Variants in MUC6 observed in about 807,000 individuals in gnomAD.
MUC6 encodes mucin-6.
MUC6 carries 188 observed loss-of-function variants against 201.5 expected under a neutral mutation model. The observed-to-expected ratio is 0.93, with a 90% CI of 0.83 to 1.05. The LOEUF is 1.05. MUC6 is among the 50% of genes least tolerant of loss of function. The probability of loss-of-function intolerance (pLI) is 0.00; values close to 1 mark genes in which losing one functional copy is unlikely to be tolerated. For synonymous variants in MUC6, 1,228 were observed against 1,389.4 expected, an observed-to-expected ratio of 0.88 and a Z score of 2.58; for missense variants, 2,706 against 3,256.9, an observed-to-expected ratio of 0.83 and a Z score of 4.12.
At position 1,018,813 on chromosome 11, in the gene MUC6, C is replaced by T. The variant is rs748547443; in HGVS notation, c.4031-43G>A. The T allele has an allele frequency of 1.2e-5, 19 of 1,527,360 alleles. No homozygotes were observed. In the South Asian group the frequency reaches 2.4e-4, roughly 19 times the overall value. The allele number at this position is 1,527,360 out of a possible 1,614,324, so 94.6% of individuals were successfully genotyped here. A position where few individuals can be genotyped will look rare whatever the true frequency, so the allele number is the denominator to read the frequency against. The stretch of plus-strand genomic sequence containing the variant: ...GTTGTCATCGTTATTGTTTTTGTTT[C>T]TCTACCCTGACCTCCGCTGGCCCGT... On this transcript the variant is annotated intron_variant, in intron 30 of 32. Coordinates refer to ENST00000421673, the MANE Select transcript of MUC6 (RefSeq NM_005961.3).
intron 22 of MUC6, 26 bp from the exon 23 acceptor site, chr11:1,025,393 T>G (rs1314352586): frequency 1.9e-6 from 3 of 1,596,026 alleles, no homozygotes; most frequent in South Asian, 1.1e-5. Flanking sequence ...GGCATAGGAC[T>G]GCCTGTCTGT....
At position 1,018,242 on chromosome 11, in the gene MUC6, T is replaced by C. The variant is rs376927617; in HGVS notation, c.4559A>G (p.Lys1520Arg). ...SQAHSSFSTN[K>R]TPTSLHSHTS... ...GTGTGAATGTAGCGAGGTAGGTGTT[T>C]TGTTTGTGCTGAATGAGCTGTGGGC... Residue 1520 changes from lysine (K) to arginine (R), a missense_variant, in exon 31 of 33, where the codon AAA becomes AGA. By Grantham distance (26) the Lys-to-Arg change is conservative. Around this residue, in one of 10 missense-constraint regions of MUC6, gnomAD observed 128 missense variants for 206.5 expected, o/e 0.62. Transcript: ENST00000421673. The C allele has an allele frequency of 8.1e-6, 13 of 1,613,782 alleles. No individual in the cohort carries two copies. The South Asian group carries it at 8.8e-5, about 11-fold the overall frequency.
chr11:1,027,930 C>T lies in MUC6; in HGVS notation c.1848+35G>A, dbSNP rs777030169. On this transcript the variant is annotated intron_variant, in intron 15 of 32. Transcript: ENST00000421673. ...GACCTTGTCAGCCACCACAGCCTCCCCTGCAGCCCTCCCAAGACGCCCTCG... is the reference window on the plus strand; with the variant it reads ...GACCTTGTCAGCCACCACAGCCTCCTCTGCAGCCCTCCCAAGACGCCCTCG... The T allele has an allele frequency of 9.6e-6, 15 of 1,561,998 alleles. No individual in the cohort carries two copies. The South Asian group carries it at 1.5e-4, about 16-fold the overall frequency.
chr11:1,030,867 G>T, intron 6 of MUC6, 80 bp downstream of exon 6: 1 of 1,526,498 alleles, frequency 6.6e-7, no homozygotes, highest in Non-Finnish European at 8.8e-7. Context: ...TCTGTGATGC[G>T]GCTGCTTGTG....
At position 1,015,952 on chromosome 11, in the gene MUC6, T is replaced by C; in HGVS notation, c.6849A>G (p.Ser2283=). The change falls in exon 31 of 33, where the codon TCA becomes TCG. Residue 2283 remains serine (S), a synonymous_variant. Transcript: ENST00000421673. ...CCCCCGAGGTGAGTGACACAAAGCC[T>C]GATGTGGGAACTCGGGTGGTGAGAG... is the stretch of plus-strand genomic sequence containing the variant. The part of the protein sequence containing the change: ...STSLTTRVPT[S]GFVSLTSGVT... The C allele has an allele frequency of 6.3e-7, 1 of 1,592,848 alleles. No individual in the cohort carries two copies. The highest frequency in any genetic ancestry group is 8.6e-7 in the Non-Finnish European group (1 of 1,166,896).
At position 1,030,249 on chromosome 11, in the gene MUC6, A is replaced by G; in HGVS notation, c.979T>C (p.Ser327Pro). The G allele has an allele frequency of 6.4e-7, 1 of 1,550,908 alleles. No individual in the cohort carries two copies. The change falls in exon 8 of 33, where the codon TCC (serine) becomes CCC (proline). Residue 327 changes from serine to proline, a missense_variant. Transcript: ENST00000421673. Reference protein sequence around the residue: ...KTCSNPQHSCSSSCTFGCFCP... With the variant: ...KTCSNPQHSCPSSCTFGCFCP... Reference sequence around the variant, plus strand: ...AAGCACCCGAAGGTGCAGGAGCTGGAGCAGCTGTGCTGCGGGTTGGAGCAG... The same window carrying G: ...AAGCACCCGAAGGTGCAGGAGCTGGGGCAGCTGTGCTGCGGGTTGGAGCAG...
intron 27 of MUC6, 136 bp from the exon 28 acceptor site, chr11:1,020,870 A>ACCCTCCCCTCTCTCCC (rs1856790971): frequency 8.8e-7 from 1 of 1,138,722 alleles, no homozygotes; most frequent in African/African-American, 1.6e-5. Context: ...CTGGGAGCCC[A>ACCCTCCCCTCTCTCCC]CCCTCCCCTC....
Position 1,028,922 on chromosome 11 carries a change from T to C in MUC6, c.1420A>G (p.Asn474Asp), listed in dbSNP as rs1411981182. ...TATGGCAGCCACTTGGCTTCTCCGT[T>C]GTTGGTGACCACCTCGTCCTGAGAG... ...VISQDEVVTN[N>D]GEAKWLPYKT... is the part of the protein sequence containing the mutation. Residue 474 changes from asparagine (N) to aspartate (D), a missense_variant, in exon 12 of 33, where the codon AAC (asparagine) becomes GAC (aspartate). Physicochemically the swap from Asn to Asp is conservative, Grantham distance 23. Transcript: ENST00000421673. 6.2e-7 allele frequency: 1 copy of C among 1,612,960 alleles called. No individual in the cohort carries two copies. The highest frequency in any genetic ancestry group is 8.5e-7 in the Non-Finnish European group (1 of 1,179,872).
Position 1,031,870 on chromosome 11 carries a change from TC to T in MUC6, c.298del (p.Glu100SerfsTer9). 1 of 1,612,772 alleles carries T rather than the reference TC, an allele frequency of 6.2e-7. No homozygotes were observed. The highest frequency in any genetic ancestry group is 8.5e-7 in the Non-Finnish European group (1 of 1,179,850). ...PDGSISRIIV[E>X]LGASVVTVSE... ...CACAGTGACGACGGAGGCCCCCAGC[TC>T]CACGATGATCCGCGAGATGCTCCCG... On this transcript the variant is annotated frameshift_variant, in exon 3 of 33. Transcript: ENST00000421673. LOFTEE classifies it high-confidence loss of function.
Position 1,016,376 on chromosome 11 carries a change from G to C in MUC6, c.6425C>G (p.Ser2142Cys), listed in dbSNP as rs1040784474. ...SPSPSAPSTV[S>C]SYVPSSHSSP... is the part of the protein sequence containing the mutation. ...GGAGTGGGAGGAGGGCACATAAGAA[G>C]AAACAGTAGAGGGGGCAGAAGGACT... The change falls in exon 31 of 33, where the codon TCT (serine) becomes TGT (cysteine). Residue 2142 changes from serine (S) to cysteine (C), a missense_variant. Coordinates refer to ENST00000421673, the MANE Select transcript of MUC6 (RefSeq NM_005961.3). The C allele has an allele frequency of 1.9e-6, 3 of 1,612,652 alleles. No homozygotes were observed. The highest frequency in any genetic ancestry group is 2.5e-6 in the Non-Finnish European group (3 of 1,179,280).
In MUC6 at chr11:1,020,817, T is replaced by A. The variant is rs1192179229; in HGVS notation, c.3590-83A>T. 3 of 1,508,420 alleles carry A rather than the reference T, an allele frequency of 2.0e-6. No homozygotes were observed. In the East Asian group the frequency reaches 6.8e-5, roughly 34 times the overall value. 93.4% of individuals were successfully genotyped at this position (1,508,420 alleles called of 1,614,324 possible). On this transcript the variant is annotated intron_variant, in intron 27 of 32. Coordinates refer to ENST00000421673, the MANE Select transcript of MUC6 (RefSeq NM_005961.3). Reference sequence around the variant, plus strand: ...CCTCTGGGAGCTCCGAGGGCCTGAGTCAGAGATGCTCACCAAGGCTGTGGT... The same window carrying A: ...CCTCTGGGAGCTCCGAGGGCCTGAGACAGAGATGCTCACCAAGGCTGTGGT...
chr11:1,024,722 C>T (rs1433760956), intron 24 of MUC6, 122 bp downstream of exon 24: 10 of 1,441,436 alleles, frequency 6.9e-6, no homozygotes, highest in Non-Finnish European at 9.2e-6. Context: ...TCTCTGCACC[C>T]TGACCTGGCT....
chr11:1,018,236 G>A lies in MUC6; in HGVS notation c.4565C>T (p.Pro1522Leu). The change falls in exon 31 of 33, where the codon CCT becomes CTT. Residue 1522 changes from proline to leucine, a missense_variant. By Grantham distance (98) the Pro-to-Leu change is moderately conservative. Coordinates refer to ENST00000421673, the MANE Select transcript of MUC6 (RefSeq NM_005961.3). ...AHSSFSTNKT[P>L]TSLHSHTSST... ...GGAAGTGTGTGAATGTAGCGAGGTA[G>A]GTGTTTTGTTTGTGCTGAATGAGCT... The A allele has an allele frequency of 1.2e-6, 2 of 1,613,260 alleles. No homozygotes were observed. The highest frequency in any genetic ancestry group is 1.7e-6 in the Non-Finnish European group (2 of 1,179,384).
rs879449713 is a variant in MUC6 at position 1,023,368 on chromosome 11, ATG to A, written c.3526+139_3526+140del. 29 of 1,087,792 alleles carry A rather than the reference ATG, an allele frequency of 2.7e-5. No homozygotes were observed. The Admixed American group carries it at 3.2e-4, about 12-fold the overall frequency. 67.4% of individuals were successfully genotyped at this position (1,087,792 alleles called of 1,614,324 possible). A position where few individuals can be genotyped will look rare whatever the true frequency, so the allele number is the denominator to read the frequency against. On this transcript the variant is annotated intron_variant, in intron 26 of 32. Coordinates refer to ENST00000421673, the MANE Select transcript of MUC6 (RefSeq NM_005961.3). ...AATGTGCGTGAGTGTGTGTGAATGAATGTGTGCAAATTAATGAATGTGTGAAT... is the reference window on the plus strand; with the variant it reads ...AATGTGCGTGAGTGTGTGTGAATGAATGTGCAAATTAATGAATGTGTGAAT...
chr11:1,028,653 C>T lies in MUC6; in HGVS notation c.1584G>A (p.Gln528=). 4.4e-6 allele frequency: 7 copies of T among 1,608,312 alleles called. No homozygotes were observed. Among genetic ancestry groups the T allele is most frequent in the Non-Finnish European group, 5.9e-6 (7 of 1,178,052 alleles). ...GGAGAGGCAGGGACTCACCTCTGGT[C>T]TGACCTCTGAACTGGGGCCCAACAG... ...YVTVGPQFRG[Q]TRGLCGNFNG... is the part of the protein sequence containing the mutation. The change falls in exon 13 of 33, where the codon CAG becomes CAA. Residue 528 remains glutamine (Q), a synonymous_variant. Coordinates refer to ENST00000421673, the MANE Select transcript of MUC6 (RefSeq NM_005961.3).
chr11:1,025,269 CACG>C lies in MUC6; in HGVS notation c.2895_2897del (p.Val966del). 1 of 1,612,810 alleles carries C rather than the reference CACG, an allele frequency of 6.2e-7. No individual in the cohort carries two copies. The highest frequency in any genetic ancestry group is 8.5e-7 in the Non-Finnish European group (1 of 1,179,862). On this transcript the variant is annotated inframe_deletion, in exon 23 of 33. Transcript: ENST00000421673. ...TGTACCTCCCGGGGATGCTGATGTCCACGACAAGGCTCAGCGCACCCGGCGTCA... is the reference window on the plus strand; with the variant it reads ...TGTACCTCCCGGGGATGCTGATGTCCACAAGGCTCAGCGCACCCGGCGTCA...
In MUC6 at chr11:1,015,834, G is replaced by GCAC. The variant is rs759720192; in HGVS notation, c.6966_6967insGTG (p.Ser2322_Leu2323insVal). 12 of 1,588,392 alleles carry GCAC rather than the reference G, an allele frequency of 7.6e-6. No homozygotes were observed. Among genetic ancestry groups the GCAC allele is most frequent in the Non-Finnish European group, 1.0e-5 (12 of 1,165,216 alleles). ...GCAGGGGTGCTTCCATGGGCAGTGA[G>GCAC]GGAGCTGGTCAGGAACCGTGTGGTA... is the stretch of plus-strand genomic sequence containing the variant. On this transcript the variant is annotated inframe_insertion, in exon 31 of 33. Coordinates refer to ENST00000421673, the MANE Select transcript of MUC6 (RefSeq NM_005961.3).
At chr11:1,013,744 G>T (rs1241500534) in intron 32 of MUC6, 111 bp from the exon 33 acceptor site, 2 of 1,390,526 alleles carry the variant, frequency 1.4e-6, no homozygotes, top group East Asian at 2.5e-5. Flanking sequence ...CTGAGCTCCC[G>T]GCTCACAGGG....
In MUC6 at chr11:1,033,523, C is replaced by T. The variant is rs972318407; in HGVS notation, c.53-448G>A. 6.6e-6 allele frequency among the ~76,000 whole-genome samples: 1 copy of T among 151,684 alleles called. No homozygotes were observed. Among genetic ancestry groups the T allele is most frequent in the Non-Finnish European group, 1.5e-5 (1 of 67,752 alleles). On this transcript the variant is annotated intron_variant, in intron 1 of 32. Coordinates refer to ENST00000421673, the MANE Select transcript of MUC6 (RefSeq NM_005961.3). The surrounding 1 kb of genome is among the most constrained non-coding windows in gnomAD (Gnocchi z 5.6). ...GGGGTCTGCGCCAAGGCCCCACAGC[C>T]GGTTCTCCCTGCTCTCGGTGGCTCC...
Sources: allele counts gnomAD v4.1 joint callset (sites outside exome capture counted in the v4.1 genomes callset), GRCh38; gene constraint gnomAD v4.1.1; regional missense constraint gnomAD v4.1.1; non-coding constraint Gnocchi (gnomAD v3.1); transcripts MANE v1.5; gene names NCBI Gene and HGNC (gene_info 2026-07-23, HGNC 2026-07-21).